CCDC149: variants seen among roughly 807,000 people sequenced by gnomAD.
The protein encoded by CCDC149 is coiled-coil domain containing 149, also known as coiled-coil domain-containing protein 149.
Under a neutral mutation model 59.9 loss-of-function variants are expected in CCDC149, and 45 were observed. The observed-to-expected ratio is 0.75, with a 90% CI of 0.59 to 0.96. The LOEUF (loss-of-function observed/expected upper bound fraction) is 0.96, where lower values mean the gene tolerates loss of function less well. Ranked by LOEUF, CCDC149 falls within the 40% of genes least tolerant of loss-of-function variation. The pLI is 0.00. For synonymous variants in CCDC149, 245 were observed against 260.6 expected (o/e 0.94, Z 0.58); for missense variants, 584 against 664.7 (o/e 0.88, Z 1.33).
At chr4:24,944,633 T>C (rs763417913) in intron 1 of CCDC149, among the ~76,000 whole-genome samples, 1 of 151,442 alleles carries the variant, frequency 6.6e-6, no homozygotes, top group Non-Finnish European at 1.5e-5. Flanking sequence ...TTAGGACAAA[T>C]ACCTAATGCA....
chr4:24,865,937 G>A (rs1718668474), intron 3 of CCDC149, among the ~76,000 whole-genome samples: 1 of 152,138 alleles, frequency 6.6e-6, no homozygotes, highest in Admixed American at 6.5e-5. Flanking sequence ...GACAGGACCT[G>A]GGATTTCTTC....
intron 12 of CCDC149, among the ~76,000 whole-genome samples, chr4:24,812,549 TTTCGGTAATGC>T (rs1714690841): frequency 6.6e-6 from 1 of 152,184 alleles, no homozygotes; most frequent in Non-Finnish European, 1.5e-5. Flanking sequence ...CTGTTTGCAG[TTTCGGTAATGC>T]TTCGTAGTCA....
intron 1 of CCDC149, among the ~76,000 whole-genome samples, chr4:24,936,824 A>G (rs10008999): frequency 0.46 from 69,792 of 152,120 alleles, 18,957 homozygotes; most frequent in African/African-American, 0.77. Flanking sequence ...CCAGAGCTGC[A>G]TGGGAATCGA....
intron 12 of CCDC149, among the ~76,000 whole-genome samples, chr4:24,811,260 C>T (rs1472194230): frequency 6.6e-6 from 1 of 152,158 alleles, no homozygotes; most frequent in African/African-American, 2.4e-5. Context: ...CCTCATCTTT[C>T]CTTTGCTACA....
At chr4:24,921,797 ATAGC>A (rs1722302450) in intron 1 of CCDC149, among the ~76,000 whole-genome samples, 2 of 152,312 alleles carry the variant, frequency 1.3e-5, no homozygotes, top group South Asian at 4.1e-4. Context: ...TGAAATTCAC[ATAGC>A]TAGTAAGGGG....
Position 24,888,980 on chromosome 4 carries a change from C to T in CCDC149, c.64-12283G>A, listed in dbSNP as rs184063061. 3.0e-3 allele frequency among the ~76,000 whole-genome samples: 449 copies of T among 151,744 alleles called. 6 individuals carry two copies. The highest frequency in any genetic ancestry group is 0.01 in the African/African-American group (425 of 41,336). On this transcript the variant is annotated intron_variant, in intron 1 of 12. Coordinates refer to ENST00000635206, the MANE Select transcript of CCDC149 (RefSeq NM_001330643.2). ...GCCGTTTTCCCCCTCTCCGGTATTA[C>T]TTTTGACAGGCAAACTTTGATTATT... is the stretch of plus-strand genomic sequence containing the variant.
At chr4:24,966,526 AAAG>A (rs1360764389) in intron 1 of CCDC149, among the ~76,000 whole-genome samples, 1 of 152,198 alleles carries the variant, frequency 6.6e-6, no homozygotes, top group Admixed American at 6.5e-5. Context: ...TCTGGGATGT[AAAG>A]AAGGGGAAGA....
At chr4:24,938,853 G>A (rs934025572) in intron 1 of CCDC149, among the ~76,000 whole-genome samples, 14 of 152,328 alleles carry the variant, frequency 9.2e-5, no homozygotes, top group African/African-American at 3.1e-4. Context: ...GGTGAGGGGC[G>A]CCCGCCATTG....
rs1364772959 is a variant in CCDC149, at chr4:24,837,079, A to G, written c.662+149T>C. 2.8e-6 allele frequency: 2 copies of G among 707,922 alleles called. No individual in the cohort carries two copies. Among genetic ancestry groups the G allele is most frequent in the Non-Finnish European group, 4.6e-6 (2 of 431,554 alleles). The allele number at this position is 707,922 out of a possible 1,614,324, so 43.9% of individuals were successfully genotyped here. A position where few individuals can be genotyped will look rare whatever the true frequency, so the allele number is the denominator to read the frequency against. ...TTCACTTTTGCAACTAATACATGGC[A>G]TTGATGTCATCATTTCGGGGGAGTG... On this transcript the variant is annotated intron_variant, in intron 6 of 12. Transcript: ENST00000635206. This position sits in a 1 kb window ranked among gnomAD's most constrained non-coding sequence, Gnocchi z 4.3.
chr4:24,876,467 T>C, intron 2 of CCDC149, 69 bp downstream of exon 2: 2 of 1,475,304 alleles, frequency 1.4e-6, no homozygotes, highest in Non-Finnish European at 9.2e-7. Context: ...AGAAACAGCA[T>C]GTGAAAATCT....
intron 1 of CCDC149, among the ~76,000 whole-genome samples, chr4:24,952,519 G>A (rs1178673811): frequency 7.0e-6 from 1 of 142,902 alleles, no homozygotes; most frequent in Admixed American, 7.3e-5. Context: ...TTGAACCAGG[G>A]GGCTGGGCAG....
At position 24,808,828 on chromosome 4, in the gene CCDC149, A is replaced by G. The variant is rs750411618; in HGVS notation, c.1193-9T>C. 1.9e-6 allele frequency: 3 copies of G among 1,540,406 alleles called. No individual in the cohort carries two copies. Among genetic ancestry groups the G allele is most frequent in the Non-Finnish European group, 2.6e-6 (3 of 1,142,336 alleles). ...TTGCTTCTGAGCCTCCCCTGAAAAC[A>G]GAACGAGGACAACATTAAACCTCTG... On this transcript the variant is annotated splice_polypyrimidine_tract_variant and intron_variant, in intron 12 of 12. Transcript: ENST00000635206.
intron 1 of CCDC149, among the ~76,000 whole-genome samples, chr4:24,925,013 G>T (rs767419553): frequency 5.3e-5 from 8 of 152,182 alleles, no homozygotes; most frequent in Non-Finnish European, 1.0e-4. Flanking sequence ...TCAGTTATAA[G>T]TCCAGAATCT....
chr4:24,956,204 G>A (rs1723460787), intron 1 of CCDC149, among the ~76,000 whole-genome samples: 1 of 109,350 alleles, frequency 9.1e-6, no homozygotes, highest in Non-Finnish European at 1.9e-5. Context: ...CTTGTGAGAT[G>A]ACAGCAAACC....
At chr4:24,923,483 G>A (rs771741920) in intron 1 of CCDC149, among the ~76,000 whole-genome samples, 28 of 151,760 alleles carry the variant, frequency 1.8e-4, no homozygotes, top group Admixed American at 5.2e-4. Flanking sequence ...TGCTGTGAAA[G>A]AAAAAAAAGG....
At chr4:24,979,170 A>G (rs1277668721) in intron 1 of CCDC149, among the ~76,000 whole-genome samples, 1 of 152,180 alleles carries the variant, frequency 6.6e-6, no homozygotes, top group African/African-American at 2.4e-5. Context: ...ATATCTCCTT[A>G]CTGTCCCTGT....
chr4:24,973,025 C>T (rs1032316388), intron 1 of CCDC149, among the ~76,000 whole-genome samples: 1 of 152,176 alleles, frequency 6.6e-6, no homozygotes, highest in African/African-American at 2.4e-5. Context: ...TCCACAACCC[C>T]TCATCTTGAC....
chr4:24,834,701 T>C (rs1716380037), intron 8 of CCDC149, among the ~76,000 whole-genome samples: 1 of 152,158 alleles, frequency 6.6e-6, no homozygotes, highest in African/African-American at 2.4e-5. Flanking sequence ...CTGGGAACTT[T>C]TTAGAAATAC....
chr4:24,834,981 T>C lies in CCDC149; in HGVS notation c.787A>G (p.Ser263Gly). 6.2e-7 allele frequency: 1 copy of C among 1,614,050 alleles called. No homozygotes were observed. Among genetic ancestry groups the C allele is most frequent in the Non-Finnish European group, 8.5e-7 (1 of 1,179,968 alleles). The change falls in exon 8 of 13, where the codon AGT becomes GGT. Residue 263 changes from serine (S) to glycine (G), a missense_variant. Transcript: ENST00000635206. ...GCAGACAGGACTCCTGTCAGAGCAC[T>C]GCTGCTGGATTTACCCTGGCCCTTC...
Sources: allele counts gnomAD v4.1 joint callset (sites outside exome capture counted in the v4.1 genomes callset), GRCh38; gene constraint gnomAD v4.1.1; non-coding constraint Gnocchi (gnomAD v3.1); transcripts MANE v1.5; gene names NCBI Gene and HGNC (gene_info 2026-07-23, HGNC 2026-07-21).